CELF4: variants seen among roughly 807,000 people sequenced by gnomAD.
CELF4 encodes CUG-BP- and ETR-3-like factor 4.
A neutral mutation model predicts 59.9 loss-of-function variants in CELF4; 18 were observed. The observed-to-expected ratio is 0.30, with a 90% CI of 0.21 to 0.45. The LOEUF is 0.45. Ranked by LOEUF, CELF4 falls within the 20% of genes least tolerant of loss-of-function variation. The pLI is 1.00. For missense variants in CELF4, 456 were observed against 689.0 expected (o/e 0.66, Z 3.79); for synonymous variants, 261 against 267.1 (o/e 0.98, Z 0.22).
At chr18:37,393,330 A>G (rs1177294581) in intron 2 of CELF4, among the ~76,000 whole-genome samples, 1 of 152,228 alleles carries the variant, frequency 6.6e-6, no homozygotes, top group African/African-American at 2.4e-5. Context: ...AGCCATGGAA[A>G]CAGGGCATGG....
intron 1 of CELF4, among the ~76,000 whole-genome samples, chr18:37,562,115 G>T (rs916383343): frequency 6.6e-6 from 1 of 152,044 alleles, no homozygotes; most frequent in Non-Finnish European, 1.5e-5. Context: ...GTCCACAACT[G>T]CTCTTTGCTG....
intron 2 of CELF4, among the ~76,000 whole-genome samples, chr18:37,477,844 C>T (rs1024974883): frequency 2.6e-5 from 4 of 152,136 alleles, no homozygotes; most frequent in Admixed American, 1.3e-4. Flanking sequence ...ACGCTGCTGC[C>T]GCTGACTTGG....
At chr18:37,514,203 T>A (rs997897681) in intron 1 of CELF4, among the ~76,000 whole-genome samples, 20 of 152,112 alleles carry the variant, frequency 1.3e-4, no homozygotes, top group African/African-American at 4.8e-4. Flanking sequence ...CTGGCCCTGG[T>A]GTTCAAGGTA....
chr18:37,461,404 C>T (rs2099793157), intron 2 of CELF4, among the ~76,000 whole-genome samples: 1 of 152,192 alleles, frequency 6.6e-6, no homozygotes, highest in Non-Finnish European at 1.5e-5. Context: ...CAAATGTCAG[C>T]AGCAAGAAGT....
At chr18:37,538,823 C>A (rs890134338) in intron 1 of CELF4, among the ~76,000 whole-genome samples, 2 of 152,176 alleles carry the variant, frequency 1.3e-5, no homozygotes, top group Non-Finnish European at 2.9e-5. Flanking sequence ...TTTCCCAGAG[C>A]CCGACTGGAA....
intron 2 of CELF4, among the ~76,000 whole-genome samples, chr18:37,475,411 G>A (rs1346545016): frequency 6.6e-6 from 1 of 152,214 alleles, no homozygotes; most frequent in Non-Finnish European, 1.5e-5. Flanking sequence ...ACAGACCCCA[G>A]TGATGCTGAT....
chr18:37,379,507 C>CAAAAAAAAAAAAAAAAAAAAAAA lies in CELF4; in HGVS notation c.370-57649_370-57627dup, dbSNP rs56250210. Among the ~76,000 whole-genome samples the CAAAAAAAAAAAAAAAAAAAAAAA allele has an allele frequency of 4.4e-5, 2 of 45,708 alleles. 1 individual carries two copies. The highest frequency in any genetic ancestry group is 7.2e-5 in the Non-Finnish European group (2 of 27,968). The allele number at this position is 45,708 out of a possible 152,430, so 30.0% of individuals were successfully genotyped here. ...GGCATCACAAATAAGAGGCCATAAG[C>CAAAAAAAAAAAAAAAAAAAAAAA]AAAAAAAAAAAAAAAAAAAAAAAAA... is the stretch of plus-strand genomic sequence containing the variant. On this transcript the variant is annotated intron_variant, in intron 2 of 12. Transcript: ENST00000420428.
chr18:37,385,369 A>G (rs558163631), intron 2 of CELF4, among the ~76,000 whole-genome samples: 68 of 151,508 alleles, frequency 4.5e-4, no homozygotes, highest in Non-Finnish European at 7.1e-4. Context: ...AAAAAAAAAA[A>G]AAAGAAAGAA....
intron 2 of CELF4, among the ~76,000 whole-genome samples, chr18:37,408,831 C>T (rs956621896): frequency 2.0e-5 from 3 of 152,292 alleles, no homozygotes; most frequent in African/African-American, 2.4e-5. Context: ...CCGCCTGCTC[C>T]GTGGTGTGTG....
At chr18:37,400,878 T>C (rs2099318256) in intron 2 of CELF4, among the ~76,000 whole-genome samples, 1 of 152,256 alleles carries the variant, frequency 6.6e-6, no homozygotes, top group Admixed American at 6.5e-5. Flanking sequence ...AATTATTGAT[T>C]AGAGGCTCAT....
chr18:37,556,598 C>T (rs1234583600), intron 1 of CELF4, among the ~76,000 whole-genome samples: 1 of 152,080 alleles, frequency 6.6e-6, no homozygotes, highest in Non-Finnish European at 1.5e-5. Flanking sequence ...GTTGTGCCTA[C>T]CTGCATGGAA....
chr18:37,345,519 C>T (rs2098222377), intron 2 of CELF4, among the ~76,000 whole-genome samples: 1 of 152,008 alleles, frequency 6.6e-6, no homozygotes, highest in African/African-American at 2.4e-5. Context: ...GTTGCAGCAA[C>T]CAGCACATGG....
intron 12 of CELF4, among the ~76,000 whole-genome samples, chr18:37,252,700 AACTG>A (rs2066301280): frequency 6.8e-6 from 1 of 146,598 alleles, no homozygotes; most frequent in African/African-American, 2.5e-5. Flanking sequence ...CATGTGGTTT[AACTG>A]TAGCCAACAA....
At position 37,256,729 on chromosome 18, in the gene CELF4, C is replaced by T. The variant is rs1049012237; in HGVS notation, c.1333+2452G>A. ...CCTCCTGAGTAGGTGGGATTACAGG[C>T]GCACACCACCACATCCAGCTAATTT... is the stretch of plus-strand genomic sequence containing the variant. On this transcript the variant is annotated intron_variant, in intron 11 of 12. Transcript: ENST00000420428. 8.5e-5 allele frequency among the ~76,000 whole-genome samples: 13 copies of T among 152,176 alleles called. No homozygotes were observed. The South Asian group carries it at 1.0e-3, about 12-fold the overall frequency.
chr18:37,393,763 T>C (rs2099197711), intron 2 of CELF4, among the ~76,000 whole-genome samples: 1 of 151,342 alleles, frequency 6.6e-6, no homozygotes, highest in Non-Finnish European at 1.5e-5. Context: ...TAACAACCCA[T>C]CCCCAATCTG....
rs754769340 is a variant in CELF4, at chr18:37,273,068, C to A, written c.897G>T (p.Met299Ile). The A allele has an allele frequency of 5.6e-6, 9 of 1,612,766 alleles. No homozygotes were observed. The South Asian group carries it at 7.7e-5, about 14-fold the overall frequency. ...AAFAAAQMQQMAALNMNGLAA... is the reference protein window; with the variant it reads ...AAFAAAQMQQIAALNMNGLAA... The stretch of plus-strand genomic sequence containing the variant: ...CCAGGCCATTCATGTTGAGGGCCGC[C>A]ATCTGCTGCATCTGGGCGGCAGCGA... Residue 299 changes from methionine to isoleucine, a missense_variant, in exon 7 of 13, where the codon ATG (methionine) becomes ATT (isoleucine). By Grantham distance (10) the Met-to-Ile change is conservative (BLOSUM62 1). Around this residue, in one of 7 missense-constraint regions of CELF4, gnomAD observed 256 missense variants for 340.8 expected, o/e 0.75. Transcript: ENST00000420428.
At chr18:37,539,037 G>A (rs1298665244) in intron 1 of CELF4, among the ~76,000 whole-genome samples, 1 of 152,142 alleles carries the variant, frequency 6.6e-6, no homozygotes, top group African/African-American at 2.4e-5. Context: ...TGGCAGGCTT[G>A]AGAATGAAGC....
chr18:37,517,883 C>T (rs1227813222), intron 1 of CELF4, among the ~76,000 whole-genome samples: 1 of 152,206 alleles, frequency 6.6e-6, no homozygotes, highest in Non-Finnish European at 1.5e-5. Context: ...CGTGGCAGAT[C>T]ACCTGTGTTC....
chr18:37,553,568 G>A (rs2099983889), intron 1 of CELF4, among the ~76,000 whole-genome samples: 2 of 152,206 alleles, frequency 1.3e-5, no homozygotes, highest in African/African-American at 4.8e-5. Flanking sequence ...ATCGTAGACT[G>A]TAATTATTAA....
Sources: gnomAD v4.1 joint callset for allele counts (sites outside exome capture counted in the v4.1 genomes callset) on GRCh38, gnomAD v4.1.1 for gene constraint, gnomAD v4.1.1 regional missense constraint, MANE v1.5 for transcripts, NCBI Gene and HGNC (gene_info 2026-07-23, HGNC 2026-07-21) for gene names.